The following RAPGEF5 variants were observed in gnomAD, a reference collection of about 807,000 sequenced individuals.
RAPGEF5 encodes the protein Rap guanine nucleotide exchange factor 5.
In RAPGEF5, 65 loss-of-function variants were observed where a neutral mutation model predicts 125.2. That is an observed-to-expected ratio of 0.52 (90% CI 0.43 to 0.64). The LOEUF is 0.64. RAPGEF5 is among the 30% of genes least tolerant of loss of function. RAPGEF5 has a pLI of 0.00. For synonymous variants in RAPGEF5, 391 were observed against 385.9 expected, an observed-to-expected ratio of 1.01 and a Z score of -0.16; for missense variants, 958 against 1,048.1, an observed-to-expected ratio of 0.91 and a Z score of 1.19.
chr7:22,180,050 T>C (rs550090444), intron 11 of RAPGEF5, among the ~76,000 whole-genome samples: 1 of 152,332 alleles, frequency 6.6e-6, no homozygotes, highest in Admixed American at 6.5e-5. Flanking sequence ...CTTGAATTAC[T>C]TCTTGCGTGA....
rs1782564137 is a variant in RAPGEF5, at chr7:22,120,969, G to A, written c.*1437C>T. ...TGTGTGGGCATGAAAGAGATGAACA[G>A]GCAGGAAGAGTGAGAAGTGCACCAA... On this transcript the variant is annotated 3_prime_UTR_variant, in exon 26 of 26. Transcript: ENST00000665637. This position sits in a 1 kb window ranked among gnomAD's most constrained non-coding sequence, Gnocchi z 4.0. 1 of 152,236 alleles carries A rather than the reference G, an allele frequency of 6.6e-6. No homozygotes were observed. The highest frequency in any genetic ancestry group is 1.5e-5 in the Non-Finnish European group (1 of 68,086). 9.4% of individuals were successfully genotyped at this position (152,236 alleles called of 1,614,324 possible).
intron 19 of RAPGEF5, 128 bp from the exon 20 acceptor site, chr7:22,145,350 G>A: frequency 1.2e-6 from 1 of 843,712 alleles, no homozygotes; most frequent in Non-Finnish European, 1.7e-6. Flanking sequence ...CAGAGAACAT[G>A]GTGAATAGTA....
At chr7:22,160,064 G>T (rs542717624) in intron 14 of RAPGEF5, among the ~76,000 whole-genome samples, 1 of 152,246 alleles carries the variant, frequency 6.6e-6, no homozygotes, top group Non-Finnish European at 1.5e-5. Context: ...AGCCGAGATT[G>T]CGCTGCTGCA....
chr7:22,184,973 T>C (rs1784785441), intron 11 of RAPGEF5, among the ~76,000 whole-genome samples: 1 of 152,188 alleles, frequency 6.6e-6, no homozygotes, highest in Non-Finnish European at 1.5e-5. Flanking sequence ...AGCAGTTAGC[T>C]CATCCAGTGG....
chr7:22,301,435 G>A (rs1783198291), intron 5 of RAPGEF5, among the ~76,000 whole-genome samples: 1 of 152,008 alleles, frequency 6.6e-6, no homozygotes. Flanking sequence ...CTAACACAGT[G>A]AAACCCCATC....
chr7:22,340,063 T>C (rs2128386595), intron 1 of RAPGEF5, among the ~76,000 whole-genome samples: 1 of 152,226 alleles, frequency 6.6e-6, no homozygotes, highest in Admixed American at 6.5e-5. Flanking sequence ...AGTTTTAACA[T>C]GCAGAGGTGT....
chr7:22,274,116 C>A (rs1782503678), intron 6 of RAPGEF5, among the ~76,000 whole-genome samples: 1 of 152,136 alleles, frequency 6.6e-6, no homozygotes, highest in Non-Finnish European at 1.5e-5. Context: ...TCTCCAAAGG[C>A]TCCCCTTCTT....
intron 3 of RAPGEF5, among the ~76,000 whole-genome samples, chr7:22,314,125 T>C (rs1181136028): frequency 1.3e-5 from 2 of 152,224 alleles, no homozygotes; most frequent in African/African-American, 4.8e-5. Context: ...AAAGTGTTAA[T>C]TCACTGGGGT....
intron 9 of RAPGEF5, among the ~76,000 whole-genome samples, chr7:22,202,728 C>T (rs1257208113): frequency 1.3e-5 from 2 of 152,192 alleles, no homozygotes; most frequent in Non-Finnish European, 2.9e-5. Context: ...CTTCAAAGAA[C>T]TTACAGCCTG....
At chr7:22,197,898 G>GGC (rs1025849110) in intron 9 of RAPGEF5, among the ~76,000 whole-genome samples, 1 of 141,530 alleles carries the variant, frequency 7.1e-6, no homozygotes, top group African/African-American at 2.6e-5. Context: ...TTTTTTGGGG[G>GGC]GGGGTGGTAG....
At chr7:22,356,786 G>C in intron 1 of RAPGEF5, 44 bp downstream of exon 1, 5 of 1,083,258 alleles carry the variant, frequency 4.6e-6, no homozygotes, top group South Asian at 9.1e-5. Context: ...CGGGCTCCAC[G>C]TGCGCGCCGC....
intron 6 of RAPGEF5, among the ~76,000 whole-genome samples, chr7:22,277,659 C>T (rs1347244289): frequency 6.6e-6 from 1 of 152,156 alleles, no homozygotes; most frequent in African/African-American, 2.4e-5. Flanking sequence ...TGTTTCCTTG[C>T]TGGTTGTCAC....
At chr7:22,156,693 C>T (rs1783819085) in intron 16 of RAPGEF5, 117 bp downstream of exon 16, 3 of 1,516,232 alleles carry the variant, frequency 2.0e-6, no homozygotes, top group Non-Finnish European at 2.7e-6. Context: ...GGCTAACGTG[C>T]TTATCTGAGG....
Position 22,147,547 on chromosome 7 carries a change from A to C in RAPGEF5, c.1885-528T>G, listed in dbSNP as rs1783484217. 2.0e-5 allele frequency among the ~76,000 whole-genome samples: 3 copies of C among 152,242 alleles called. No individual in the cohort carries two copies. In the South Asian group the frequency reaches 6.2e-4, roughly 32 times the overall value. The stretch of plus-strand genomic sequence containing the variant: ...AGTAAAAAAGTTTTAACATGAAATA[A>C]AAAATAGAAATTATTTCATTTATAT... On this transcript the variant is annotated intron_variant, in intron 18 of 25. Coordinates refer to ENST00000665637, the MANE Select transcript of RAPGEF5 (RefSeq NM_012294.5).
intron 5 of RAPGEF5, among the ~76,000 whole-genome samples, chr7:22,307,333 G>C (rs1001221641): frequency 2.0e-5 from 3 of 152,070 alleles, no homozygotes; most frequent in Non-Finnish European, 2.9e-5. Context: ...GTAAATGGTG[G>C]AGGTGAGGTG....
intron 6 of RAPGEF5, among the ~76,000 whole-genome samples, chr7:22,268,052 A>C (rs539246905): frequency 6.6e-6 from 1 of 152,296 alleles, no homozygotes; most frequent in South Asian, 2.1e-4. Context: ...GGCTTTCTCA[A>C]CAGCCAGGGC....
At chr7:22,350,390 C>G (rs1432504456) in intron 1 of RAPGEF5, among the ~76,000 whole-genome samples, 1 of 152,188 alleles carries the variant, frequency 6.6e-6, no homozygotes, top group Non-Finnish European at 1.5e-5. Context: ...CATATGAAAG[C>G]AAAAATGTTT....
rs78430876 is a variant in RAPGEF5, at chr7:22,333,404, G to C, written c.232-15367C>G. ...TAAAGCTTCCCTACAAACAGACTCT[G>C]ATCTAGGTTTGCCAGAATAACCAAC... is the stretch of plus-strand genomic sequence containing the variant. On this transcript the variant is annotated intron_variant, in intron 1 of 25. Transcript: ENST00000665637. 4.7e-4 allele frequency among the ~76,000 whole-genome samples: 72 copies of C among 152,208 alleles called. 1 individual carries two copies. In the East Asian group the frequency reaches 0.012, roughly 25 times the overall value.
chr7:22,278,431 C>T (rs192102688), intron 6 of RAPGEF5, among the ~76,000 whole-genome samples: 2 of 152,066 alleles, frequency 1.3e-5, no homozygotes, highest in East Asian at 1.9e-4. Flanking sequence ...AACAAAATCA[C>T]TTTTTTGTGG....
Sources: allele counts gnomAD v4.1 joint callset (sites outside exome capture counted in the v4.1 genomes callset), GRCh38; gene constraint gnomAD v4.1.1; non-coding constraint Gnocchi (gnomAD v3.1); transcripts MANE v1.5; gene names NCBI Gene and HGNC (gene_info 2026-07-23, HGNC 2026-07-21).